Variants in ZNG1E observed in about 807,000 individuals in gnomAD.
ZNG1E encodes zinc-regulated GTPase metalloprotein activator 1E.
At chr9:65,666,737 C>G in the ZNG1E span, among the ~76,000 whole-genome samples, 5,946 of 147,504 alleles carry the variant, frequency 0.04, 30 homozygotes, top group African/African-American at 0.14. Flanking sequence ...ATTTCATGAA[C>G]AAAAATACAT....
At chr9:65,680,401 C>CT in the ZNG1E span, among the ~76,000 whole-genome samples, 1 of 152,136 alleles carries the variant, frequency 6.6e-6, no homozygotes, top group Admixed American at 6.6e-5. Flanking sequence ...ATTAAATAAC[C>CT]TATTGCACAC....
At chr9:65,664,530 T>A in the ZNG1E span, among the ~76,000 whole-genome samples, 1 of 75,262 alleles carries the variant, frequency 1.3e-5, no homozygotes, top group Non-Finnish European at 2.7e-5. Flanking sequence ...GAACTGTAAG[T>A]CCAATAAACC....
chr9:65,671,918 C>A, the ZNG1E span, among the ~76,000 whole-genome samples: 9 of 140,032 alleles, frequency 6.4e-5, no homozygotes, highest in South Asian at 2.2e-3. Context: ...AACTTGTAGA[C>A]ATTTGCTCTC....
the ZNG1E span, among the ~76,000 whole-genome samples, chr9:65,676,670 G>C: frequency 2.0e-5 from 3 of 151,566 alleles, no homozygotes; most frequent in African/African-American, 4.9e-5. Context: ...GTAAACCACT[G>C]CGTAGGAAGT....
At chr9:65,727,433 G>T in the ZNG1E span, among the ~76,000 whole-genome samples, 1 of 135,200 alleles carries the variant, frequency 7.4e-6, no homozygotes, top group Admixed American at 7.6e-5. Context: ...TGGCCTAAAT[G>T]CTCCACTTAA....
At chr9:65,717,463 G>A in the ZNG1E span, among the ~76,000 whole-genome samples, 8 of 148,680 alleles carry the variant, frequency 5.4e-5, no homozygotes, top group South Asian at 1.1e-3. Flanking sequence ...CTTTCCTCTC[G>A]ATGATCCTTT....
At chr9:65,703,668 C>T in the ZNG1E span, 5 of 951,448 alleles carry the variant, frequency 5.3e-6, no homozygotes, top group Non-Finnish European at 6.1e-6. Context: ...GCCAGGAGCT[C>T]TGAGGCTCAC....
the ZNG1E span, among the ~76,000 whole-genome samples, chr9:65,728,988 A>AT: frequency 6.6e-6 from 1 of 151,004 alleles, no homozygotes; most frequent in Non-Finnish European, 1.5e-5. Context: ...TTCCAACAAC[A>AT]TATCAAAAAG....
the ZNG1E span, among the ~76,000 whole-genome samples, chr9:65,680,220 A>G: frequency 1.3e-5 from 2 of 152,136 alleles, no homozygotes; most frequent in East Asian, 1.9e-4. Context: ...TTTAAAATGT[A>G]CTATTTTTTT....
the ZNG1E span, among the ~76,000 whole-genome samples, chr9:65,697,410 AT>A: frequency 1.2e-5 from 1 of 84,164 alleles, no homozygotes; most frequent in East Asian, 3.0e-4. Flanking sequence ...GTGATTGTAT[AT>A]AAAATATAGT....
the ZNG1E span, chr9:65,706,891 TG>T: frequency 6.9e-6 from 1 of 145,506 alleles, no homozygotes; most frequent in South Asian, 2.2e-4. Flanking sequence ...TTCACAAAAT[TG>T]GCATGTGTAA....
the ZNG1E span, among the ~76,000 whole-genome samples, chr9:65,721,444 TA>T: frequency 6.8e-6 from 1 of 147,996 alleles, no homozygotes; most frequent in African/African-American, 2.6e-5. Context: ...TATTAATGTA[TA>T]TTTTTAACAT....
the ZNG1E span, among the ~76,000 whole-genome samples, chr9:65,672,923 C>T: frequency 1.2e-5 from 1 of 80,842 alleles, no homozygotes; most frequent in Non-Finnish European, 2.4e-5. Flanking sequence ...AATCTTTATA[C>T]TTGTGCCTAA....
the ZNG1E span, among the ~76,000 whole-genome samples, chr9:65,674,319 T>C: frequency 6.6e-6 from 1 of 152,284 alleles, no homozygotes; most frequent in East Asian, 1.9e-4. Flanking sequence ...TGATAAATAC[T>C]TTCAAGTTAT....
chr9:65,714,904 C>T, the ZNG1E span, among the ~76,000 whole-genome samples: 2 of 151,862 alleles, frequency 1.3e-5, no homozygotes, highest in Admixed American at 6.6e-5. Flanking sequence ...GGCAGGCTTC[C>T]TTGAGCTGTG....
chr9:65,677,183 T>G, the ZNG1E span: 1 of 1,547,614 alleles, frequency 6.5e-7, no homozygotes, highest in Non-Finnish European at 8.7e-7. Context: ...CAAAACAATG[T>G]ATTTCAAACG....
chr9:65,658,792 C>G, the ZNG1E span, among the ~76,000 whole-genome samples: 1 of 143,890 alleles, frequency 6.9e-6, no homozygotes, highest in African/African-American at 2.7e-5. Flanking sequence ...ACGCTTCTCT[C>G]CTTAGCTCAC....
At chr9:65,701,319 A>C in the ZNG1E span, 3 of 151,406 alleles carry the variant, frequency 2.0e-5, no homozygotes, top group Non-Finnish European at 4.4e-5. Flanking sequence ...TGCCATGATT[A>C]ATGATTGTGG....
At chr9:65,719,870 T>C in the ZNG1E span, 215 of 1,132,438 alleles carry the variant, frequency 1.9e-4, no homozygotes, top group Non-Finnish European at 2.5e-4. Context: ...TAAAAAAACT[T>C]AATCTGCCAG....
Sources: allele counts gnomAD v4.1 joint callset (sites outside exome capture counted in the v4.1 genomes callset), GRCh38; gene constraint gnomAD v4.1.1; transcripts MANE v1.5; gene names NCBI Gene and HGNC (gene_info 2026-07-23, HGNC 2026-07-21).